The following YES1 variants were observed in gnomAD, a reference collection of about 807,000 sequenced individuals.
The protein encoded by YES1 is YES proto-oncogene 1, Src family tyrosine kinase, also known as tyrosine-protein kinase Yes.
Under a neutral mutation model 70.4 loss-of-function variants are expected in YES1, and 39 were observed. The observed-to-expected ratio is 0.55, with a 90% CI of 0.43 to 0.72. YES1 has a LOEUF of 0.72. Ranked by LOEUF, YES1 falls within the 30% of genes least tolerant of loss-of-function variation. YES1 has a pLI of 0.00. For missense variants in YES1, 495 were observed against 644.8 expected (o/e 0.77, Z 2.52); for synonymous variants, 198 against 218.6 (o/e 0.91, Z 0.83).
chr18:784,798 G>T lies in YES1; in HGVS notation c.-9+27316C>A, dbSNP rs144575859. Reference sequence around the variant, plus strand: ...ATTGTTACTCTATTATGCCTACCTGGATAAGCCAGGATAAACTCTCTATTT... The same window carrying T: ...ATTGTTACTCTATTATGCCTACCTGTATAAGCCAGGATAAACTCTCTATTT... On this transcript the variant is annotated intron_variant, in intron 1 of 11. Coordinates refer to ENST00000314574, the MANE Select transcript of YES1 (RefSeq NM_005433.4). Among the ~76,000 whole-genome samples, 25 of 152,236 alleles carry T rather than the reference G, an allele frequency of 1.6e-4. No homozygotes were observed. In the East Asian group the frequency reaches 4.1e-3, roughly 25 times the overall value.
At chr18:802,836 A>C (rs771153600) in intron 1 of YES1, among the ~76,000 whole-genome samples, 1 of 152,016 alleles carries the variant, frequency 6.6e-6, no homozygotes, top group Admixed American at 6.6e-5. Flanking sequence ...TAATCCTAGC[A>C]CTTCGGGAGG....
chr18:751,166 A>G (rs2080337761), intron 3 of YES1, among the ~76,000 whole-genome samples: 1 of 152,222 alleles, frequency 6.6e-6, no homozygotes, highest in Admixed American at 6.5e-5. Context: ...GAGAAGTTAC[A>G]AAGTGGTCAT....
Position 723,035 on chromosome 18 carries a change from T to G in YES1, c.*1389A>C, listed in dbSNP as rs1483857522. 6.6e-6 allele frequency: 1 copy of G among 152,112 alleles called. No homozygotes were observed. The highest frequency in any genetic ancestry group is 6.5e-5 in the Admixed American group (1 of 15,282). 9.4% of individuals were successfully genotyped at this position (152,112 alleles called of 1,614,324 possible). On this transcript the variant is annotated 3_prime_UTR_variant, in exon 12 of 12. Coordinates refer to ENST00000314574, the MANE Select transcript of YES1 (RefSeq NM_005433.4). ...TGAACCTGGGAGGCAGAGCTTGCAG[T>G]GAGCCGAGATCGCGCCACTGCACTC... is the stretch of plus-strand genomic sequence containing the variant.
intron 11 of YES1, among the ~76,000 whole-genome samples, chr18:728,388 A>G (rs2080047047): frequency 6.6e-6 from 1 of 152,194 alleles, no homozygotes. Flanking sequence ...GTAATTTTAC[A>G]TAATTTTAAA....
intron 1 of YES1, among the ~76,000 whole-genome samples, chr18:791,251 GA>G (rs1165254118): frequency 3.6e-5 from 3 of 82,358 alleles, no homozygotes; most frequent in Non-Finnish European, 5.3e-5. Context: ...ACTTGAAGAA[GA>G]AAAAAAAAAG....
chr18:811,944 C>T (rs1907409581), intron 1 of YES1, among the ~76,000 whole-genome samples, 170 bp downstream of exon 1: 1 of 152,138 alleles, frequency 6.6e-6, no homozygotes, highest in Non-Finnish European at 1.5e-5. Flanking sequence ...CGAGACAAGC[C>T]CGCCGGGCGA....
In YES1 at chr18:722,497, C is replaced by A; in HGVS notation, c.*1927G>T. 6.6e-6 allele frequency: 1 copy of A among 152,648 alleles called. No homozygotes were observed. The allele number at this position is 152,648 out of a possible 1,614,324, so 9.5% of individuals were successfully genotyped here. On this transcript the variant is annotated 3_prime_UTR_variant, in exon 12 of 12. Coordinates refer to ENST00000314574, the MANE Select transcript of YES1 (RefSeq NM_005433.4). Reference sequence around the variant, plus strand: ...GAAAATAGAGGGGCCTAATATAAGGCTTAATTTAAAGTGTGACTATATGAG... The same window carrying A: ...GAAAATAGAGGGGCCTAATATAAGGATTAATTTAAAGTGTGACTATATGAG...
At chr18:778,801 AAG>A (rs1409787380) in intron 1 of YES1, among the ~76,000 whole-genome samples, 1 of 152,202 alleles carries the variant, frequency 6.6e-6, no homozygotes, top group Non-Finnish European at 1.5e-5. Context: ...AGGACCATAA[AAG>A]AGAAAACATA....
At chr18:778,477 A>C (rs1905496057) in intron 1 of YES1, among the ~76,000 whole-genome samples, 1 of 152,190 alleles carries the variant, frequency 6.6e-6, no homozygotes, top group African/African-American at 2.4e-5. Flanking sequence ...ATGATTTAAC[A>C]CATTTCTGAA....
intron 1 of YES1, among the ~76,000 whole-genome samples, chr18:805,532 C>A (rs554069410): frequency 6.6e-6 from 1 of 152,258 alleles, no homozygotes; most frequent in African/African-American, 2.4e-5. Context: ...GGCCCAACTA[C>A]CTTTTGTTTC....
At chr18:767,761 C>T (rs757540447) in intron 1 of YES1, among the ~76,000 whole-genome samples, 2 of 152,076 alleles carry the variant, frequency 1.3e-5, no homozygotes, top group Non-Finnish European at 2.9e-5. Flanking sequence ...AGTACAGGGG[C>T]ACGATCTCGG....
chr18:751,053 G>A (rs947911692), intron 3 of YES1, among the ~76,000 whole-genome samples: 5 of 152,118 alleles, frequency 3.3e-5, no homozygotes, highest in African/African-American at 4.8e-5. Context: ...TTTAAAAGTA[G>A]AAGGATATGA....
chr18:727,373 C>A (rs1860105746), intron 11 of YES1, among the ~76,000 whole-genome samples: 1 of 152,032 alleles, frequency 6.6e-6, no homozygotes, highest in South Asian at 2.1e-4. Flanking sequence ...CTTATAAATA[C>A]CATTATAGTA....
intron 11 of YES1, among the ~76,000 whole-genome samples, chr18:725,539 A>T (rs989373514): frequency 1.3e-5 from 2 of 152,224 alleles, no homozygotes; most frequent in African/African-American, 2.4e-5. Flanking sequence ...TTTGAAACTC[A>T]ATACTTAAAA....
At chr18:759,575 G>T (rs1199047418) in intron 1 of YES1, among the ~76,000 whole-genome samples, 1 of 152,098 alleles carries the variant, frequency 6.6e-6, no homozygotes, top group Non-Finnish European at 1.5e-5. Context: ...AAAAGTTTCA[G>T]AAAAAAATTG....
At chr18:771,367 C>CAA (rs879475206) in intron 1 of YES1, among the ~76,000 whole-genome samples, 8 of 131,580 alleles carry the variant, frequency 6.1e-5, no homozygotes, top group East Asian at 2.2e-4. Context: ...AACTTTGTCT[C>CAA]AAAAAAAAAA....
intron 2 of YES1, among the ~76,000 whole-genome samples, chr18:754,712 CAAAA>C (rs35530008): frequency 7.4e-6 from 1 of 135,284 alleles, no homozygotes; most frequent in African/African-American, 2.8e-5. Flanking sequence ...ACTCCAACTC[CAAAA>C]AAAAAAAAAA....
At position 724,263 on chromosome 18, in the gene YES1, T is replaced by TG. The variant is rs2079991784; in HGVS notation, c.*160dup. On this transcript the variant is annotated 3_prime_UTR_variant, in exon 12 of 12. Transcript: ENST00000314574. Reference sequence around the variant, plus strand: ...CATTGGTACATTAGAGTTTAATACTTGGGGAAAAAAAAGTGGTTTTGTGCA... The same window carrying TG: ...CATTGGTACATTAGAGTTTAATACTTGGGGGAAAAAAAAGTGGTTTTGTGCA... 5 of 656,860 alleles carry TG rather than the reference T, an allele frequency of 7.6e-6. No individual in the cohort carries two copies. The East Asian group carries it at 8.2e-5, about 11-fold the overall frequency. The allele number at this position is 656,860 out of a possible 1,614,324, so 40.7% of individuals were successfully genotyped here. A position where few individuals can be genotyped will look rare whatever the true frequency, so the allele number is the denominator to read the frequency against.
At chr18:781,565 C>A (rs1198423177) in intron 1 of YES1, among the ~76,000 whole-genome samples, 1 of 152,176 alleles carries the variant, frequency 6.6e-6, no homozygotes, top group Non-Finnish European at 1.5e-5. Context: ...CTCTGAGCTA[C>A]AAACTTTGAG....
Sources: gnomAD v4.1 joint callset for allele counts (sites outside exome capture counted in the v4.1 genomes callset) on GRCh38, gnomAD v4.1.1 for gene constraint, MANE v1.5 for transcripts, NCBI Gene and HGNC (gene_info 2026-07-23, HGNC 2026-07-21) for gene names.